Variants in WWOX observed in about 807,000 individuals in gnomAD.
The protein encoded by WWOX is WW domain-containing oxidoreductase.
WWOX carries 69 observed loss-of-function variants against 46.2 expected under a neutral mutation model. The observed-to-expected ratio is 1.49, with a 90% confidence interval of 1.23 to 1.82. The LOEUF is 1.82. Ranked by LOEUF, WWOX falls within the 40% of genes most tolerant of loss-of-function variation. The probability of loss-of-function intolerance (pLI) is 0.00; values close to 1 mark genes in which losing one functional copy is unlikely to be tolerated. For synonymous variants in WWOX, 359 were observed against 202.6 expected, an observed-to-expected ratio of 1.77 and a Z score of -6.56; for missense variants, 919 against 542.6, an observed-to-expected ratio of 1.69 and a Z score of -6.89.
intron 8 of WWOX, among the ~76,000 whole-genome samples, chr16:78,986,097 C>T (rs958645521): frequency 1.3e-5 from 2 of 152,140 alleles, no homozygotes; most frequent in Non-Finnish European, 2.9e-5. Context: ...CAAGATGAAC[C>T]GGGGCTCCGG....
At chr16:78,670,749 C>A (rs2047443023) in intron 8 of WWOX, among the ~76,000 whole-genome samples, 1 of 152,048 alleles carries the variant, frequency 6.6e-6, no homozygotes, top group South Asian at 2.1e-4. Flanking sequence ...TGGGCTGAAG[C>A]AGTTCTCCTG....
intron 8 of WWOX, among the ~76,000 whole-genome samples, chr16:78,695,672 G>A (rs2142278701): frequency 6.6e-6 from 1 of 152,324 alleles, no homozygotes; most frequent in African/African-American, 2.4e-5. Flanking sequence ...TTCCAAATCA[G>A]AGGGGCAATG....
chr16:78,997,502 A>G (rs1175298912), intron 8 of WWOX, among the ~76,000 whole-genome samples: 2 of 151,926 alleles, frequency 1.3e-5, no homozygotes, highest in East Asian at 3.9e-4. Context: ...TTTTTATTTT[A>G]TTTTTACACT....
chr16:78,360,917 C>T (rs1385729582), intron 5 of WWOX, among the ~76,000 whole-genome samples: 2 of 151,922 alleles, frequency 1.3e-5, no homozygotes, highest in Non-Finnish European at 2.9e-5. Context: ...ACCTCCTAGG[C>T]TCAAGCGATC....
intron 8 of WWOX, among the ~76,000 whole-genome samples, chr16:78,540,446 T>C (rs1226420895): frequency 2.0e-5 from 3 of 152,170 alleles, no homozygotes; most frequent in African/African-American, 7.2e-5. Flanking sequence ...TTGTCTCTTC[T>C]CATGGGCATT....
intron 8 of WWOX, among the ~76,000 whole-genome samples, chr16:78,706,822 G>T (rs962236593): frequency 4.6e-5 from 7 of 152,096 alleles, no homozygotes; most frequent in Admixed American, 1.3e-4. Context: ...TTTGGAGACA[G>T]ATCTCACTTT....
chr16:78,276,925 T>A (rs1267784167), intron 5 of WWOX, among the ~76,000 whole-genome samples: 1 of 152,218 alleles, frequency 6.6e-6, no homozygotes. Flanking sequence ...ACGTCTGAGA[T>A]TCCGTTGTGT....
intron 5 of WWOX, among the ~76,000 whole-genome samples, chr16:78,361,337 G>A (rs1223973793): frequency 6.6e-6 from 1 of 152,100 alleles, no homozygotes; most frequent in African/African-American, 2.4e-5. Flanking sequence ...TGATCACTTG[G>A]TTAAGGTGAT....
At chr16:78,923,859 G>A (rs1388966840) in intron 8 of WWOX, among the ~76,000 whole-genome samples, 1 of 146,654 alleles carries the variant, frequency 6.8e-6, no homozygotes, top group Non-Finnish European at 1.5e-5. Context: ...GAGTGCAGTG[G>A]CGCGATCTCG....
intron 5 of WWOX, among the ~76,000 whole-genome samples, chr16:78,218,121 C>G (rs940368128): frequency 2.6e-5 from 4 of 152,074 alleles, no homozygotes; most frequent in African/African-American, 9.7e-5. Context: ...GTGGTGCAAT[C>G]ACAGCTCACT....
chr16:78,282,330 A>G (rs1156360412), intron 5 of WWOX, among the ~76,000 whole-genome samples: 1 of 152,156 alleles, frequency 6.6e-6, no homozygotes, highest in Non-Finnish European at 1.5e-5. Flanking sequence ...GCATGTTTCT[A>G]GAGACATCAG....
At chr16:79,076,225 T>C (rs2048653397) in intron 8 of WWOX, among the ~76,000 whole-genome samples, 1 of 152,240 alleles carries the variant, frequency 6.6e-6, no homozygotes, top group African/African-American at 2.4e-5. Context: ...CTGTGGGTTA[T>C]GTGTGACCAC....
At chr16:78,486,335 T>A (rs965483299) in intron 8 of WWOX, among the ~76,000 whole-genome samples, 2 of 152,348 alleles carry the variant, frequency 1.3e-5, no homozygotes, top group East Asian at 1.9e-4. Context: ...CTCATGAGCA[T>A]AGATAATAGT....
At chr16:78,243,356 A>G (rs2037718391) in intron 5 of WWOX, among the ~76,000 whole-genome samples, 3 of 151,972 alleles carry the variant, frequency 2.0e-5, no homozygotes, top group Admixed American at 2.0e-4. Context: ...ATTTTTATTA[A>G]TTTTCATTTT....
At chr16:78,419,663 TAAATG>T (rs1567561353) in intron 6 of WWOX, among the ~76,000 whole-genome samples, 1 of 138,294 alleles carries the variant, frequency 7.2e-6, no homozygotes, top group Non-Finnish European at 1.5e-5. Flanking sequence ...GTCAGAGACT[TAAATG>T]TAAGAGCTAA....
chr16:78,634,480 G>A (rs942245671), intron 8 of WWOX, among the ~76,000 whole-genome samples: 3 of 152,024 alleles, frequency 2.0e-5, no homozygotes, highest in Non-Finnish European at 4.4e-5. Flanking sequence ...GGGCGAGGCG[G>A]GCAGATCACA....
chr16:79,160,449 G>C (rs924814634), intron 8 of WWOX, among the ~76,000 whole-genome samples: 1 of 152,002 alleles, frequency 6.6e-6, no homozygotes, highest in Non-Finnish European at 1.5e-5. Context: ...GTAAAACAGA[G>C]ATCAGATGAA....
Position 79,202,359 on chromosome 16 carries a change from G to GAT in WWOX, c.1057-9245_1057-9244dup, listed in dbSNP as rs1202926226. On this transcript the variant is annotated intron_variant, in intron 8 of 8. Coordinates refer to ENST00000566780, the MANE Select transcript of WWOX (RefSeq NM_016373.4). ...GACGGGACCCTCAGTAGTGTTTTGG[G>GAT]ATATAAGGCACACGGTAAAGGAACA... Among the ~76,000 whole-genome samples the GAT allele has an allele frequency of 1.2e-4, 19 of 152,274 alleles. No homozygotes were observed. In the South Asian group the frequency reaches 3.9e-3, roughly 32 times the overall value.
At chr16:79,155,491 A>C (rs1008716308) in intron 8 of WWOX, among the ~76,000 whole-genome samples, 19 of 152,156 alleles carry the variant, frequency 1.2e-4, no homozygotes, top group Admixed American at 1.2e-3. Flanking sequence ...TTTAAAATGT[A>C]ATCATTTTAA....
Sources: allele counts gnomAD v4.1 joint callset (sites outside exome capture counted in the v4.1 genomes callset), GRCh38; gene constraint gnomAD v4.1.1; transcripts MANE v1.5; gene names NCBI Gene and HGNC (gene_info 2026-07-23, HGNC 2026-07-21).